Variants in SRGAP2 observed in about 807,000 individuals in gnomAD.
SRGAP2 encodes SLIT-ROBO Rho GTPase-activating protein 2.
In SRGAP2, 15 loss-of-function variants were observed where a neutral mutation model predicts 57.2. The observed-to-expected ratio is 0.26, with a 90% CI of 0.18 to 0.40. The LOEUF (loss-of-function observed/expected upper bound fraction) is 0.40. Among genes scored for constraint, SRGAP2 ranks in the 10% least tolerant of loss-of-function variants. The pLI is 1.00. For missense variants in SRGAP2, 520 were observed against 669.6 expected, an observed-to-expected ratio of 0.78 and a Z score of 2.47; for synonymous variants, 249 against 248.0, an observed-to-expected ratio of 1.00 and a Z score of -0.04.
chr1:206,404,731 C>T (rs113850522), intron 8 of SRGAP2, among the ~76,000 whole-genome samples: 3 of 151,612 alleles, frequency 2.0e-5, no homozygotes, highest in Non-Finnish European at 4.4e-5. Flanking sequence ...GCATAGGCAA[C>T]GAACTTGTTC....
chr1:206,372,997 CTT>C (rs1256063477), intron 4 of SRGAP2, among the ~76,000 whole-genome samples: 11 of 97,568 alleles, frequency 1.1e-4, no homozygotes, highest in African/African-American at 3.9e-4. Context: ...TTCTTTCTTT[CTT>C]TCTTTCTTTC....
chr1:206,260,131 AT>A (rs1553313245), intron 2 of SRGAP2, among the ~76,000 whole-genome samples: 1 of 86,496 alleles, frequency 1.2e-5, no homozygotes, highest in Non-Finnish European at 2.3e-5. Flanking sequence ...TTTTGAACAC[AT>A]TTTAACCCCG....
chr1:206,339,651 TC>T (rs1484564101), intron 3 of SRGAP2, among the ~76,000 whole-genome samples: 3 of 150,028 alleles, frequency 2.0e-5, no homozygotes, highest in Non-Finnish European at 4.4e-5. Flanking sequence ...TTCTGCTAAT[TC>T]CAGAGTATCT....
intron 4 of SRGAP2, among the ~76,000 whole-genome samples, chr1:206,359,603 A>G (rs1230024282): frequency 1.0e-5 from 1 of 95,912 alleles, no homozygotes; most frequent in Non-Finnish European, 2.0e-5. Flanking sequence ...TTCAGCAGAT[A>G]TTTACAGTGT....
At chr1:206,273,751 C>A (rs1157803773) in intron 2 of SRGAP2, among the ~76,000 whole-genome samples, 1 of 145,348 alleles carries the variant, frequency 6.9e-6, no homozygotes, top group Non-Finnish European at 1.5e-5. Flanking sequence ...TCTAGGGGAA[C>A]TCTTCATTTT....
chr1:206,321,913 C>G (rs1553327725), intron 3 of SRGAP2, among the ~76,000 whole-genome samples: 1 of 152,072 alleles, frequency 6.6e-6, no homozygotes, highest in Non-Finnish European at 1.5e-5. Context: ...GCCTCGGTTG[C>G]TTTTAGTGGG....
chr1:206,354,717 A>T (rs1676300598), intron 4 of SRGAP2, among the ~76,000 whole-genome samples: 1 of 151,840 alleles, frequency 6.6e-6, no homozygotes, highest in Non-Finnish European at 1.5e-5. Flanking sequence ...AAGAATAGTG[A>T]ATTCAAAACC....
At chr1:206,412,480 T>C (rs1056147942) in intron 10 of SRGAP2, among the ~76,000 whole-genome samples, 19 of 152,214 alleles carry the variant, frequency 1.2e-4, no homozygotes, top group Admixed American at 2.6e-4. Flanking sequence ...TGCTCCTTCA[T>C]TGAGGAAAAC....
chr1:206,391,615 G>GCACACACA lies in SRGAP2; in HGVS notation c.487-1055_487-1048dup, dbSNP rs201726708. 2.0e-3 allele frequency among the ~76,000 whole-genome samples: 229 copies of GCACACACA among 115,538 alleles called. 5 individuals are homozygous for GCACACACA. Among genetic ancestry groups the GCACACACA allele is most frequent in the African/African-American group, 7.7e-3 (203 of 26,262 alleles). 75.8% of individuals were successfully genotyped at this position (115,538 alleles called of 152,430 possible). ...GCACTCCTGTGTTACACACACACAT[G>GCACACACA]CACACACACACACACACACACACAC... On this transcript the variant is annotated intron_variant, in intron 5 of 22. Transcript: ENST00000573034.
intron 2 of SRGAP2, among the ~76,000 whole-genome samples, chr1:206,278,169 A>G (rs1200787398): frequency 5.9e-5 from 9 of 151,900 alleles, no homozygotes; most frequent in African/African-American, 2.2e-4. Context: ...AGTCAATACA[A>G]TAAAGATCTC....
At chr1:206,304,556 T>C (rs1162522420) in intron 3 of SRGAP2, among the ~76,000 whole-genome samples, 4 of 152,248 alleles carry the variant, frequency 2.6e-5, no homozygotes, top group Admixed American at 6.5e-5. Context: ...CAAATTTCCA[T>C]TGGGCTGCAT....
chr1:206,428,790 G>A (rs1161283218), intron 13 of SRGAP2, among the ~76,000 whole-genome samples: 2 of 152,180 alleles, frequency 1.3e-5, no homozygotes, highest in Non-Finnish European at 2.9e-5. Flanking sequence ...AGCCTCGCAA[G>A]TAGCTGGGAC....
At chr1:206,314,348 G>A (rs1553325324) in intron 3 of SRGAP2, among the ~76,000 whole-genome samples, 1 of 152,098 alleles carries the variant, frequency 6.6e-6, no homozygotes. Context: ...TGGTCAGGTT[G>A]GTCTTGAACT....
chr1:206,431,938 A>G (rs1276524445), intron 14 of SRGAP2, among the ~76,000 whole-genome samples: 1 of 152,268 alleles, frequency 6.6e-6, no homozygotes, highest in Non-Finnish European at 1.5e-5. Flanking sequence ...GCGTAGCTGG[A>G]GCAGAGCAAA....
intron 16 of SRGAP2, among the ~76,000 whole-genome samples, chr1:206,438,566 G>T (rs1393849309): frequency 1.5e-4 from 23 of 152,250 alleles, no homozygotes; most frequent in African/African-American, 5.3e-4. Context: ...GTAGTAATAG[G>T]ATATTTTCCC....
chr1:206,427,035 T>A (rs569916991), intron 13 of SRGAP2, among the ~76,000 whole-genome samples: 1 of 152,290 alleles, frequency 6.6e-6, no homozygotes, highest in African/African-American at 2.4e-5. Flanking sequence ...CAAAAAATCT[T>A]TGCCCAGACC....
At chr1:206,423,956 T>A (rs1572117251) in intron 13 of SRGAP2, among the ~76,000 whole-genome samples, 1 of 148,468 alleles carries the variant, frequency 6.7e-6, no homozygotes, top group Non-Finnish European at 1.5e-5. Context: ...TGTATTTTTT[T>A]TTTTTTTTTT....
intron 4 of SRGAP2, among the ~76,000 whole-genome samples, chr1:206,346,454 G>A (rs1675636439): frequency 6.6e-6 from 1 of 152,196 alleles, no homozygotes; most frequent in Admixed American, 6.5e-5. Flanking sequence ...AAACAAAAGT[G>A]GATATAGGTG....
chr1:206,273,325 G>A (rs1344611374), intron 2 of SRGAP2, among the ~76,000 whole-genome samples: 1 of 145,924 alleles, frequency 6.9e-6, no homozygotes, highest in Non-Finnish European at 1.5e-5. Context: ...GGAGTGGTGT[G>A]TACCAGACTG....
Sources: gnomAD v4.1 joint callset for allele counts (sites outside exome capture counted in the v4.1 genomes callset) on GRCh38, gnomAD v4.1.1 for gene constraint, MANE v1.5 for transcripts, NCBI Gene and HGNC (gene_info 2026-07-23, HGNC 2026-07-21) for gene names.